The following KCNN1 variants were observed in gnomAD, a reference collection of about 807,000 sequenced individuals.
KCNN1 encodes the protein potassium calcium-activated channel subfamily N member 1.
In KCNN1, 20 loss-of-function variants were observed where a neutral mutation model predicts 44.7. The ratio of observed to expected loss-of-function variants is 0.45; its 90% CI spans 0.32 to 0.65. The LOEUF is 0.65. Among genes scored for constraint, KCNN1 ranks in the 30% least tolerant of loss-of-function variants. The pLI, the probability that KCNN1 is intolerant of heterozygous loss-of-function variation, is 0.05. For missense variants in KCNN1, 632 were observed against 785.3 expected, an observed-to-expected ratio of 0.80 and a Z score of 2.33; for synonymous variants, 324 against 341.7, an observed-to-expected ratio of 0.95 and a Z score of 0.57.
Position 17,974,050 on chromosome 19 carries a change from C to G in KCNN1, c.162C>G (p.Pro54=), listed in dbSNP as rs1299315675. The change falls in exon 2 of 10, where the codon CCC becomes CCG. Residue 54 remains proline (P), a synonymous_variant. Transcript: ENST00000684775. The surrounding 1 kb of genome is among the most constrained non-coding windows in gnomAD (Gnocchi z 7.3). ...VVVAKSEPAR[P]SPGSPRGQPQ... ...TGGCCAAGAGTGAGCCAGCCCGGCC[C>G]TCACCCGGCAGCCCCCGGGGGCAGC... 2.5e-6 allele frequency: 4 copies of G among 1,610,632 alleles called. No homozygotes were observed. In the Admixed American group the frequency reaches 5.0e-5, roughly 20 times the overall value.
rs2032878774 is a variant in KCNN1 at position 17,993,621 on chromosome 19, G to A, written c.1377+62G>A. The stretch of plus-strand genomic sequence containing the variant: ...GGTGGGGCCCCGGAGCAGATGGGAT[G>A]GGGCTCAGCTCCTGCCGGAGGAGGG... On this transcript the variant is annotated intron_variant, in intron 9 of 9. Coordinates refer to ENST00000684775, the MANE Select transcript of KCNN1 (RefSeq NM_001386974.1). This position sits in a 1 kb window ranked among gnomAD's most constrained non-coding sequence, Gnocchi z 4.5. 3 of 1,357,520 alleles carry A rather than the reference G, an allele frequency of 2.2e-6. No individual in the cohort carries two copies. The highest frequency in any genetic ancestry group is 2.9e-5 in the African/African-American group (2 of 70,162). The allele number at this position is 1,357,520 out of a possible 1,614,324, so 84.1% of individuals were successfully genotyped here. A position where few individuals can be genotyped will look rare whatever the true frequency, so the allele number is the denominator to read the frequency against.
At chr19:17,986,049 T>A (rs1353362155) in intron 5 of KCNN1, among the ~76,000 whole-genome samples, 1 of 151,486 alleles carries the variant, frequency 6.6e-6, no homozygotes. Context: ...GTGACCAACA[T>A]GGAGAAACCC....
In KCNN1 at chr19:17,974,381, C is replaced by A; in HGVS notation, c.402+91C>A. ...TGGGGTTGGGGGTGGCAGGGCCCCC[C>A]GGGAGATAGGGAGTGTTAGGGGGCT... On this transcript the variant is annotated intron_variant, in intron 2 of 9. Coordinates refer to ENST00000684775, the MANE Select transcript of KCNN1 (RefSeq NM_001386974.1). This position sits in a 1 kb window ranked among gnomAD's most constrained non-coding sequence, Gnocchi z 7.3. 1 of 1,400,962 alleles carries A rather than the reference C, an allele frequency of 7.1e-7. No individual in the cohort carries two copies. The highest frequency in any genetic ancestry group is 1.4e-5 in the African/African-American group (1 of 69,168). 86.8% of individuals were successfully genotyped at this position (1,400,962 alleles called of 1,614,324 possible).
At chr19:17,953,962 G>A (rs2031482141) in intron 1 of KCNN1, among the ~76,000 whole-genome samples, 1 of 152,034 alleles carries the variant, frequency 6.6e-6, no homozygotes, top group Non-Finnish European at 1.5e-5. Context: ...CATGGCGAAG[G>A]AACTAGGGGC....
chr19:17,977,481 C>T (rs568514239), intron 3 of KCNN1, among the ~76,000 whole-genome samples: 36 of 152,094 alleles, frequency 2.4e-4, no homozygotes, highest in African/African-American at 8.2e-4. Context: ...GCTGGGATTA[C>T]AAGCACTTGC....
intron 5 of KCNN1, 27 bp from the exon 6 acceptor site, chr19:17,988,388 G>T: frequency 6.3e-7 from 1 of 1,587,280 alleles, no homozygotes; most frequent in South Asian, 1.1e-5. Context: ...ACAGGACGCT[G>T]ATGTGCCCCC....
intron 1 of KCNN1, among the ~76,000 whole-genome samples, chr19:17,972,941 A>AG (rs1414407301): frequency 1.3e-5 from 2 of 152,124 alleles, no homozygotes; most frequent in Non-Finnish European, 2.9e-5. Flanking sequence ...GGGCTCTGGT[A>AG]GGGGGGCATT....
rs540686613 is a variant in KCNN1 at position 17,998,200 on chromosome 19, G to C, written c.1426G>C (p.Glu476Gln). The C allele has an allele frequency of 1.3e-6, 2 of 1,594,712 alleles. No individual in the cohort carries two copies. Among genetic ancestry groups the C allele is most frequent in the South Asian group, 1.1e-5 (1 of 88,266 alleles). Residue 476 changes from glutamate to glutamine, a missense_variant, in exon 10 of 10, where the codon GAG (glutamate) becomes CAG (glutamine). Transcript: ENST00000684775. The surrounding 1 kb of genome is among the most constrained non-coding windows in gnomAD (Gnocchi z 5.4). ...DLVSELHAQHEELEARLATLE... is the reference protein window; with the variant it reads ...DLVSELHAQHQELEARLATLE... ...TGTATCGGAGCTGCACGCTCAGCACGAGGAGCTGGAGGCCCGCCTGGCCAC... is the reference window on the plus strand; with the variant it reads ...TGTATCGGAGCTGCACGCTCAGCACCAGGAGCTGGAGGCCCGCCTGGCCAC...
rs1254982307 is a variant in KCNN1, at chr19:17,960,727, G to T, written c.-82+6046G>T. Among the ~76,000 whole-genome samples the T allele has an allele frequency of 3.3e-5, 5 of 152,128 alleles. No homozygotes were observed. The East Asian group carries it at 9.6e-4, about 29-fold the overall frequency. ...CCAAAATCAAGGTGTTGGTGGTGTT[G>T]CCTTCCCTCCGGAGGCTCTCAGGAG... On this transcript the variant is annotated intron_variant, in intron 2 of 10. Transcript: ENST00000222249.
rs2033089841 is a variant in KCNN1, at chr19:17,998,698, G to T, written c.*292G>T. 1 of 343,978 alleles carries T rather than the reference G, an allele frequency of 2.9e-6. No homozygotes were observed. The highest frequency in any genetic ancestry group is 5.3e-6 in the Non-Finnish European group (1 of 190,024). The allele number at this position is 343,978 out of a possible 1,614,324, so 21.3% of individuals were successfully genotyped here. A position where few individuals can be genotyped will look rare whatever the true frequency, so the allele number is the denominator to read the frequency against. On this transcript the variant is annotated 3_prime_UTR_variant, in exon 10 of 10. Coordinates refer to ENST00000684775, the MANE Select transcript of KCNN1 (RefSeq NM_001386974.1). The surrounding 1 kb of genome is among the most constrained non-coding windows in gnomAD (Gnocchi z 5.4). ...TCCGTGCTGGTTCTGAATAAAGCAG[G>T]ACCCGCCTAGTGGCTGCCTGTGTGC...
At chr19:17,982,907 G>A (rs2032468535) in intron 4 of KCNN1, among the ~76,000 whole-genome samples, 1 of 152,140 alleles carries the variant, frequency 6.6e-6, no homozygotes, top group Non-Finnish European at 1.5e-5. Flanking sequence ...TAGGTGCGGT[G>A]GTGGTGCCTG....
chr19:17,965,107 T>A (rs1288615799), upstream of KCNN1, among the ~76,000 whole-genome samples: 2 of 151,254 alleles, frequency 1.3e-5, no homozygotes, highest in African/African-American at 2.4e-5. Flanking sequence ...TCTACTAAAA[T>A]TACAAAAATT....
intron 1 of KCNN1, among the ~76,000 whole-genome samples, chr19:17,969,219 G>T (rs116005746): frequency 1.0e-3 from 155 of 152,200 alleles, no homozygotes; most frequent in African/African-American, 3.6e-3. Context: ...GTGGCTTCTC[G>T]ACGGCAGGAC....
chr19:17,955,562 CAAAAAAAA>C (rs58125650), intron 2 of KCNN1, among the ~76,000 whole-genome samples: 1 of 54,232 alleles, frequency 1.8e-5, no homozygotes, highest in South Asian at 5.2e-4. Context: ...ACTCCATCTC[CAAAAAAAA>C]AAAAAAAAAG....
At chr19:17,958,292 G>A (rs2031591077) in intron 2 of KCNN1, among the ~76,000 whole-genome samples, 1 of 151,928 alleles carries the variant, frequency 6.6e-6, no homozygotes, top group South Asian at 2.1e-4. Flanking sequence ...AACAGCCTCA[G>A]CAACATGGCA....
At chr19:17,979,038 G>A (rs1252356254) in intron 3 of KCNN1, among the ~76,000 whole-genome samples, 3 of 150,902 alleles carry the variant, frequency 2.0e-5, no homozygotes, top group Non-Finnish European at 4.4e-5. Flanking sequence ...ACCAGCCTGG[G>A]GGACAGAATG....
intron 9 of KCNN1, among the ~76,000 whole-genome samples, chr19:17,997,010 T>G (rs1033430285): frequency 6.6e-6 from 1 of 152,044 alleles, no homozygotes; most frequent in Admixed American, 6.5e-5. Flanking sequence ...TGGAGTGATG[T>G]TCTAGTGCCA....
chr19:17,985,885 G>T (rs187121973), intron 5 of KCNN1, among the ~76,000 whole-genome samples: 4 of 152,196 alleles, frequency 2.6e-5, no homozygotes, highest in Admixed American at 6.5e-5. Context: ...GGGCTAAGTC[G>T]GTTATTTATG....
intron 3 of KCNN1, among the ~76,000 whole-genome samples, chr19:17,978,126 G>GTTTTT (rs761452750): frequency 7.6e-5 from 10 of 130,960 alleles, no homozygotes; most frequent in African/African-American, 2.5e-4. Context: ...ATGTATACTT[G>GTTTTT]TTTTTTTTTT....
Sources: gnomAD v4.1 joint callset for allele counts (sites outside exome capture counted in the v4.1 genomes callset) on GRCh38, gnomAD v4.1.1 for gene constraint, Gnocchi (gnomAD v3.1) non-coding constraint, MANE v1.5 for transcripts, NCBI Gene and HGNC (gene_info 2026-07-23, HGNC 2026-07-21) for gene names.